Variants in PARL observed in about 807,000 individuals in gnomAD.
The protein encoded by PARL is presenilin associated rhomboid like, also known as presenilin-associated rhomboid-like protein, mitochondrial.
Under a neutral mutation model 51.6 loss-of-function variants are expected in PARL, and 44 were observed. That is an observed-to-expected ratio of 0.85 (90% CI 0.67 to 1.10). The LOEUF (loss-of-function observed/expected upper bound fraction) is 1.10, where lower values mean the gene tolerates loss of function less well. Among genes scored for constraint, PARL ranks in the 50% least tolerant of loss-of-function variants. The probability of loss-of-function intolerance (pLI) is 0.00; values close to 1 mark genes in which losing one functional copy is unlikely to be tolerated. For missense variants in PARL, 441 were observed against 469.5 expected, an observed-to-expected ratio of 0.94 and a Z score of 0.56; for synonymous variants, 172 against 164.0, an observed-to-expected ratio of 1.05 and a Z score of -0.37.
intron 4 of PARL, chr3:183,846,628 C>T (rs1336051842): frequency 2.0e-6 from 2 of 985,416 alleles, no homozygotes; most frequent in African/African-American, 3.5e-5. Flanking sequence ...CTGAAACAGA[C>T]TGTAGCCAAA....
At chr3:183,865,134 C>A (rs1371112104) in intron 3 of PARL, among the ~76,000 whole-genome samples, 1 of 151,970 alleles carries the variant, frequency 6.6e-6, no homozygotes, top group African/African-American at 2.4e-5. Context: ...AAGTGAGACT[C>A]CTGTCTCCAC....
At chr3:183,867,770 A>T (rs745513525) in intron 2 of PARL, 95 bp downstream of exon 2, 113 of 864,430 alleles carry the variant, frequency 1.3e-4, no homozygotes, top group Non-Finnish European at 1.7e-4. Context: ...TCCCCCCTCT[A>T]CCTGTCCTTA....
chr3:183,880,399 GT>G (rs563095175), intron 1 of PARL, among the ~76,000 whole-genome samples: 115 of 147,310 alleles, frequency 7.8e-4, no homozygotes, highest in South Asian at 3.9e-3. Flanking sequence ...TTATAGTTCA[GT>G]TTTTTTTTTT....
intron 2 of PARL, 62 bp from the exon 3 acceptor site, chr3:183,866,827 T>TC: frequency 8.3e-7 from 1 of 1,210,008 alleles, no homozygotes; most frequent in Non-Finnish European, 1.2e-6. Flanking sequence ...ATACATTATT[T>TC]CCAAGGAGAA....
downstream of PARL, among the ~76,000 whole-genome samples, chr3:183,826,918 C>G (rs1411846395): frequency 6.6e-6 from 1 of 152,068 alleles, no homozygotes; most frequent in African/African-American, 2.4e-5. Context: ...TTGCTATGTG[C>G]TAGGAATAAT....
At chr3:183,877,517 A>G (rs1733982195) in intron 1 of PARL, among the ~76,000 whole-genome samples, 1 of 152,210 alleles carries the variant, frequency 6.6e-6, no homozygotes, top group South Asian at 2.1e-4. Context: ...ACAGCATCAC[A>G]TGCTACTGAG....
intron 7 of PARL, among the ~76,000 whole-genome samples, chr3:183,840,324 C>CAT (rs1273938918): frequency 2.6e-5 from 4 of 152,096 alleles, no homozygotes; most frequent in East Asian, 1.9e-4. Context: ...CTCTGGTAAA[C>CAT]ATATATATAT....
At chr3:183,882,072 T>C (rs1734494363) in intron 1 of PARL, among the ~76,000 whole-genome samples, 2 of 150,648 alleles carry the variant, frequency 1.3e-5, no homozygotes, top group African/African-American at 4.9e-5. Flanking sequence ...ATCATGGTGG[T>C]GCATGCCTGT....
intron 6 of PARL, among the ~76,000 whole-genome samples, 198 bp downstream of exon 6, chr3:183,842,100 G>T (rs1009878251): frequency 6.6e-6 from 1 of 152,162 alleles, no homozygotes; most frequent in African/African-American, 2.4e-5. Context: ...TCATATGTAA[G>T]AAGAAATCAG....
At chr3:183,852,042 C>T (rs1488435961) in intron 4 of PARL, among the ~76,000 whole-genome samples, 1 of 152,012 alleles carries the variant, frequency 6.6e-6, no homozygotes, top group Non-Finnish European at 1.5e-5. Context: ...TGCCTATGGT[C>T]CCAGCTACTC....
chr3:183,861,778 A>T (rs1201979757), intron 4 of PARL, among the ~76,000 whole-genome samples: 2 of 152,100 alleles, frequency 1.3e-5, no homozygotes, highest in East Asian at 1.9e-4. Context: ...TAAAAAACTT[A>T]AAAAAAATTT....
At chr3:183,854,730 G>GTTTTTT (rs1349130456) in intron 4 of PARL, among the ~76,000 whole-genome samples, 1 of 122,986 alleles carries the variant, frequency 8.1e-6, no homozygotes, top group African/African-American at 3.0e-5. Flanking sequence ...TATATTTCAT[G>GTTTTTT]TTTTTTTTTT....
At position 183,833,541 on chromosome 3, in the gene PARL, A is replaced by T; in HGVS notation, c.979T>A (p.Trp327Arg). 3 of 1,614,000 alleles carry T rather than the reference A, an allele frequency of 1.9e-6. No individual in the cohort carries two copies. Among genetic ancestry groups the T allele is most frequent in the Non-Finnish European group, 2.5e-6 (3 of 1,179,884 alleles). ...AMDTAGMILG[W>R]KFFDHAAHLG... ...TGTGCCGCATGATCAAAAAATTTCC[A>T]TCCCAGGATCATTCCTGCTGTATCC... Residue 327 changes from tryptophan to arginine, a missense_variant, in exon 9 of 10, where the codon TGG becomes AGG. Transcript: ENST00000317096.
chr3:183,856,779 T>A (rs981673033), intron 4 of PARL, among the ~76,000 whole-genome samples: 1 of 152,250 alleles, frequency 6.6e-6, no homozygotes, highest in African/African-American at 2.4e-5. Flanking sequence ...GAAATCAATC[T>A]GATGTATTTA....
intron 4 of PARL, among the ~76,000 whole-genome samples, chr3:183,845,706 C>T (rs1430209684): frequency 1.3e-5 from 2 of 152,172 alleles, no homozygotes; most frequent in Admixed American, 6.5e-5. Context: ...GAAGGGCAGG[C>T]GGGCAGAGCC....
chr3:183,834,819 T>C (rs963629115), intron 7 of PARL, among the ~76,000 whole-genome samples: 6 of 145,660 alleles, frequency 4.1e-5, no homozygotes, highest in African/African-American at 1.6e-4. Context: ...GGCAGGTGGA[T>C]CACCTGAGGT....
At chr3:183,878,339 C>T (rs1017453683) in intron 1 of PARL, among the ~76,000 whole-genome samples, 1 of 152,184 alleles carries the variant, frequency 6.6e-6, no homozygotes, top group African/African-American at 2.4e-5. Context: ...TGCTACCGAT[C>T]AAACTAAGCC....
chr3:183,866,783 T>A lies in PARL; in HGVS notation c.322-18A>T. 6.6e-7 allele frequency: 1 copy of A among 1,524,222 alleles called. No individual in the cohort carries two copies. The highest frequency in any genetic ancestry group is 9.1e-7 in the Non-Finnish European group (1 of 1,101,688). The allele number at this position is 1,524,222 out of a possible 1,614,324, so 94.4% of individuals were successfully genotyped here. A position where few individuals can be genotyped will look rare whatever the true frequency, so the allele number is the denominator to read the frequency against. On this transcript the variant is annotated intron_variant, in intron 2 of 9. Coordinates refer to ENST00000317096, the MANE Select transcript of PARL (RefSeq NM_018622.7). ...CCTGTAAACTATATAAAATTAGATA[T>A]ATTACAAAATAGATTTAAGAGGGAA...
chr3:183,846,868 G>C (rs1409629843), intron 4 of PARL, among the ~76,000 whole-genome samples: 1 of 152,230 alleles, frequency 6.6e-6, no homozygotes, highest in African/African-American at 2.4e-5. Context: ...GCCAGTTATA[G>C]ATGAGAAAAA....
Sources: gnomAD v4.1 joint callset for allele counts (sites outside exome capture counted in the v4.1 genomes callset) on GRCh38, gnomAD v4.1.1 for gene constraint, MANE v1.5 for transcripts, NCBI Gene and HGNC (gene_info 2026-07-23, HGNC 2026-07-21) for gene names.